SEC63: variants seen among roughly 807,000 people sequenced by gnomAD.
SEC63 encodes the protein translocation protein SEC63 homolog.
SEC63 carries 56 observed loss-of-function variants against 116.2 expected under a neutral mutation model. The observed-to-expected ratio is 0.48, with a 90% confidence interval of 0.39 to 0.60. The LOEUF is 0.60. Among genes scored for constraint, SEC63 ranks in the 20% least tolerant of loss-of-function variants. SEC63 has a pLI of 0.00. For synonymous variants in SEC63, 273 were observed against 294.6 expected, an observed-to-expected ratio of 0.93 and a Z score of 0.75; for missense variants, 668 against 900.0, an observed-to-expected ratio of 0.74 and a Z score of 3.30.
chr6:107,898,807 T>G (rs925078877), intron 13 of SEC63, among the ~76,000 whole-genome samples: 5 of 152,216 alleles, frequency 3.3e-5, no homozygotes, highest in Admixed American at 3.3e-4. Context: ...TCTTCTTACA[T>G]GTTTTTACCT....
chr6:107,948,124 C>T (rs1258080133), intron 1 of SEC63, among the ~76,000 whole-genome samples: 1 of 152,086 alleles, frequency 6.6e-6, no homozygotes, highest in East Asian at 1.9e-4. Context: ...CTCGTGTCAC[C>T]TCCTCTGCAT....
rs571437511 is a variant in SEC63, at chr6:107,910,936, C to T, written c.624+410G>A. On this transcript the variant is annotated intron_variant, in intron 7 of 20. Transcript: ENST00000369002. ...GGTTTCACCATGTTGGTCTCAAACT[C>T]CTGCCCTAAATTGATCTGCCCACCT... 2.6e-5 allele frequency among the ~76,000 whole-genome samples: 4 copies of T among 152,124 alleles called. No individual in the cohort carries two copies. The South Asian group carries it at 8.3e-4, about 32-fold the overall frequency.
chr6:107,913,195 T>TA (rs1787325432), intron 5 of SEC63, among the ~76,000 whole-genome samples, 171 bp downstream of exon 5: 1 of 152,178 alleles, frequency 6.6e-6, no homozygotes, highest in South Asian at 2.1e-4. Context: ...TCTTTCAAAC[T>TA]AGTCTTTAGA....
chr6:107,933,793 G>C (rs1787864822), intron 1 of SEC63, among the ~76,000 whole-genome samples: 1 of 151,384 alleles, frequency 6.6e-6, no homozygotes, highest in Admixed American at 6.6e-5. Flanking sequence ...CTGTACTGCT[G>C]CCATCTTGGC....
At chr6:107,921,762 A>G in intron 4 of SEC63, 35 bp downstream of exon 4, 1 of 1,331,428 alleles carries the variant, frequency 7.5e-7, no homozygotes, top group East Asian at 2.3e-5. Flanking sequence ...TATCTGTACC[A>G]TTCTTAAAAA....
At chr6:107,935,002 GC>G (rs570462368) in intron 1 of SEC63, among the ~76,000 whole-genome samples, 1,418 of 126,576 alleles carry the variant, frequency 0.011, 17 homozygotes, top group Middle Eastern at 0.021. Flanking sequence ...GGGGGGGTCA[GC>G]CCCCCGCCCG....
At chr6:107,956,563 T>TAAA (rs527626600) in intron 1 of SEC63, among the ~76,000 whole-genome samples, 163 of 152,278 alleles carry the variant, frequency 1.1e-3, no homozygotes, top group African/African-American at 3.8e-3. Flanking sequence ...ACCCATTGAG[T>TAAA]AAAAAAAGTA....
intron 3 of SEC63, among the ~76,000 whole-genome samples, 189 bp downstream of exon 3, chr6:107,924,626 AATT>A (rs1787633861): frequency 6.7e-6 from 1 of 149,906 alleles, no homozygotes; most frequent in Admixed American, 6.8e-5. Context: ...ATTGAAAACC[AATT>A]ATTAATAACA....
rs55686781 is a variant in SEC63, at chr6:107,929,395, T to G, written c.224+20A>C. On this transcript the variant is annotated intron_variant, in intron 2 of 20. Coordinates refer to ENST00000369002, the MANE Select transcript of SEC63 (RefSeq NM_007214.5). Reference sequence around the variant, plus strand: ...AGAGTAAGCATTAAGTAGGTTTTTTTCTTGAAATCCATTACTTACTTTACT... The same window carrying G: ...AGAGTAAGCATTAAGTAGGTTTTTTGCTTGAAATCCATTACTTACTTTACT... 1.9e-5 allele frequency: 25 copies of G among 1,333,888 alleles called. No individual in the cohort carries two copies. Among genetic ancestry groups the G allele is most frequent in the Non-Finnish European group, 2.6e-5 (24 of 926,332 alleles). 82.6% of individuals were successfully genotyped at this position (1,333,888 alleles called of 1,614,324 possible).
At chr6:107,930,934 G>A (rs1787792191) in intron 1 of SEC63, among the ~76,000 whole-genome samples, 1 of 152,218 alleles carries the variant, frequency 6.6e-6, no homozygotes, top group South Asian at 2.1e-4. Context: ...GGCAGAGGTT[G>A]CAGTGAGCTG....
rs771251411 is a variant in SEC63 at position 107,911,363 on chromosome 6, T to A, written c.607A>T (p.Ile203Phe). The change falls in exon 7 of 21, where the codon ATC becomes TTC. Residue 203 changes from isoleucine (I) to phenylalanine (F), a missense_variant. Coordinates refer to ENST00000369002, the MANE Select transcript of SEC63 (RefSeq NM_007214.5). ...AAACTTACCACAACAACTGGAAGGATAACCATAAATGCCAATCCATATACA... is the reference window on the plus strand; with the variant it reads ...AAACTTACCACAACAACTGGAAGGAAAACCATAAATGCCAATCCATATACA... Reference protein sequence around the residue: ...LLVYGLAFMVILPVVVGSWWY... With the variant: ...LLVYGLAFMVFLPVVVGSWWY... 2 of 1,608,156 alleles carry A rather than the reference T, an allele frequency of 1.2e-6. No individual in the cohort carries two copies. Among genetic ancestry groups the A allele is most frequent in the Non-Finnish European group, 1.7e-6 (2 of 1,174,920 alleles).
At chr6:107,911,671 T>G (rs529283862) in intron 6 of SEC63, among the ~76,000 whole-genome samples, 1 of 152,362 alleles carries the variant, frequency 6.6e-6, no homozygotes, top group South Asian at 2.1e-4. Flanking sequence ...GTAGTTCAGC[T>G]CTAGAGCCTA....
In SEC63 at chr6:107,911,355, T is replaced by C. The variant is rs1787279729; in HGVS notation, c.615A>G (p.Pro205=). The change falls in exon 7 of 21, where the codon CCA becomes CCG. Residue 205 remains proline, a synonymous_variant. Coordinates refer to ENST00000369002, the MANE Select transcript of SEC63 (RefSeq NM_007214.5). ...VYGLAFMVIL[P]VVVGSWWYRS... ...AAAAGCTAAAACTTACCACAACAAC[T>C]GGAAGGATAACCATAAATGCCAATC... 1 of 1,606,748 alleles carries C rather than the reference T, an allele frequency of 6.2e-7. No individual in the cohort carries two copies. Among genetic ancestry groups the C allele is most frequent in the Non-Finnish European group, 8.5e-7 (1 of 1,173,764 alleles).
Position 107,958,011 on chromosome 6 carries a change from G to A in SEC63, c.-2C>T, listed in dbSNP as rs1418483521. On this transcript the variant is annotated 5_prime_UTR_variant, in exon 1 of 21. Coordinates refer to ENST00000369002, the MANE Select transcript of SEC63 (RefSeq NM_007214.5). ...GTACTGGAACTGCTGCCCGGCCATG[G>A]CACCCCCTCCTCCGCCTCGCTCTTC... 1 of 1,613,128 alleles carries A rather than the reference G, an allele frequency of 6.2e-7. No individual in the cohort carries two copies. Among genetic ancestry groups the A allele is most frequent in the Non-Finnish European group, 8.5e-7 (1 of 1,179,408 alleles).
At chr6:107,887,214 G>A (rs1277582832) in intron 16 of SEC63, among the ~76,000 whole-genome samples, 1 of 150,410 alleles carries the variant, frequency 6.6e-6, no homozygotes, top group Non-Finnish European at 1.5e-5. Context: ...TCTAGAACTG[G>A]AAATACCATT....
Position 107,887,962 on chromosome 6 carries a change from T to C in SEC63, c.1675-4816A>G, listed in dbSNP as rs554087579. On this transcript the variant is annotated intron_variant, in intron 16 of 20. Coordinates refer to ENST00000369002, the MANE Select transcript of SEC63 (RefSeq NM_007214.5). Reference sequence around the variant, plus strand: ...GTTCCATTGGTCTATATATCTGTTTTGGTACGAGTACCATGCTGTTTTGGT... The same window carrying C: ...GTTCCATTGGTCTATATATCTGTTTCGGTACGAGTACCATGCTGTTTTGGT... Among the ~76,000 whole-genome samples, 9 of 152,350 alleles carry C rather than the reference T, an allele frequency of 5.9e-5. No homozygotes were observed. In the East Asian group the frequency reaches 1.5e-3, roughly 26 times the overall value.
At chr6:107,904,110 T>A (rs1787078606) in intron 11 of SEC63, among the ~76,000 whole-genome samples, 1 of 87,766 alleles carries the variant, frequency 1.1e-5, no homozygotes, top group South Asian at 4.4e-4. Context: ...AGAGTGAGAC[T>A]CTGTCTCCAA....
chr6:107,876,065 A>T (rs1000918526), intron 19 of SEC63, among the ~76,000 whole-genome samples: 60 of 152,218 alleles, frequency 3.9e-4, no homozygotes, highest in Middle Eastern at 3.4e-3. Flanking sequence ...ACACACACAC[A>T]AAAAAAACAT....
chr6:107,878,252 C>T (rs944062318), intron 18 of SEC63, among the ~76,000 whole-genome samples: 16 of 152,220 alleles, frequency 1.1e-4, no homozygotes, highest in African/African-American at 3.6e-4. Context: ...TCATTTTCTT[C>T]TCAACAATCA....
Sources: allele counts gnomAD v4.1 joint callset (sites outside exome capture counted in the v4.1 genomes callset), GRCh38; gene constraint gnomAD v4.1.1; transcripts MANE v1.5; gene names NCBI Gene and HGNC (gene_info 2026-07-23, HGNC 2026-07-21).